Variants in KLHL32 observed in about 807,000 individuals in gnomAD.
The protein encoded by KLHL32 is kelch like family member 32, also known as kelch-like protein 32.
Under a neutral mutation model 64.8 loss-of-function variants are expected in KLHL32, and 35 were observed. The ratio of observed to expected loss-of-function variants is 0.54; its 90% CI spans 0.41 to 0.72. The LOEUF is 0.72. Ranked by LOEUF, KLHL32 falls within the 30% of genes least tolerant of loss-of-function variation. KLHL32 has a pLI of 0.00. For missense variants in KLHL32, 589 were observed against 768.5 expected, an observed-to-expected ratio of 0.77 and a Z score of 2.76; for synonymous variants, 259 against 281.0, an observed-to-expected ratio of 0.92 and a Z score of 0.78.
chr6:97,132,882 A>C (rs1032063706), intron 10 of KLHL32, 135 bp downstream of exon 10: 30 of 592,112 alleles, frequency 5.1e-5, no homozygotes, highest in Non-Finnish European at 7.9e-5. Flanking sequence ...CAACTAGTTC[A>C]GCCACTAAAC....
chr6:97,059,420 T>C (rs1262602942), intron 4 of KLHL32, among the ~76,000 whole-genome samples: 1 of 152,210 alleles, frequency 6.6e-6, no homozygotes, highest in East Asian at 1.9e-4. Flanking sequence ...CTCTGATTCA[T>C]AGAGAACTAC....
chr6:97,008,609 G>T (rs1324660848), intron 3 of KLHL32, among the ~76,000 whole-genome samples: 1 of 152,122 alleles, frequency 6.6e-6, no homozygotes, highest in Non-Finnish European at 1.5e-5. Context: ...GTAAGTGTTT[G>T]TGGAGGTCAT....
intron 4 of KLHL32, among the ~76,000 whole-genome samples, chr6:97,063,923 T>C (rs1453155209): frequency 6.6e-6 from 1 of 152,152 alleles, no homozygotes; most frequent in Non-Finnish European, 1.5e-5. Context: ...GATCAGCTGC[T>C]CAAGAGCTGG....
At chr6:96,982,227 A>C (rs12523684) in intron 3 of KLHL32, among the ~76,000 whole-genome samples, 1 of 151,818 alleles carries the variant, frequency 6.6e-6, no homozygotes, top group Non-Finnish European at 1.5e-5. Context: ...TATTAATCTG[A>C]GTGCTCCTGT....
chr6:97,128,577 T>A (rs1272256722), intron 8 of KLHL32, among the ~76,000 whole-genome samples: 1 of 152,244 alleles, frequency 6.6e-6, no homozygotes, highest in Non-Finnish European at 1.5e-5. Flanking sequence ...TCTCAATAAC[T>A]CTATCATTCA....
chr6:96,964,629 G>C (rs1048467468), intron 1 of KLHL32, among the ~76,000 whole-genome samples: 25 of 152,236 alleles, frequency 1.6e-4, no homozygotes, highest in Non-Finnish European at 3.1e-4. Flanking sequence ...GTCCAGCCTG[G>C]GCGACAGAGC....
intron 7 of KLHL32, among the ~76,000 whole-genome samples, chr6:97,122,449 CTAA>C (rs1195752771): frequency 6.6e-6 from 1 of 152,064 alleles, no homozygotes; most frequent in Non-Finnish European, 1.5e-5. Flanking sequence ...TATGGACAGT[CTAA>C]TGTCATATAA....
At chr6:96,961,705 G>A (rs12527425) in intron 1 of KLHL32, among the ~76,000 whole-genome samples, 9,406 of 152,168 alleles carry the variant, frequency 0.062, 395 homozygotes, top group Middle Eastern at 0.15. Flanking sequence ...TTGGTGAGTC[G>A]GAAAGGTGAG....
At chr6:96,951,494 G>A (rs894065177) in intron 1 of KLHL32, among the ~76,000 whole-genome samples, 9 of 152,144 alleles carry the variant, frequency 5.9e-5, no homozygotes, top group African/African-American at 1.2e-4. Context: ...TGGACAGTGC[G>A]CCACCCCACA....
At position 97,026,764 on chromosome 6, in the gene KLHL32, C is replaced by T. The variant is rs78094583; in HGVS notation, c.205-14728C>T. Among the ~76,000 whole-genome samples, 146 of 152,126 alleles carry T rather than the reference C, an allele frequency of 9.6e-4. 1 individual carries two copies. In the East Asian group the frequency reaches 0.022, roughly 23 times the overall value. ...AAATTGAGGGTTAAAATTTTAAGAG[C>T]GATCATTAGTTTACATTGAGTTTTA... On this transcript the variant is annotated intron_variant, in intron 3 of 10. Coordinates refer to ENST00000369261, the MANE Select transcript of KLHL32 (RefSeq NM_052904.4).
At chr6:97,037,879 A>G (rs1784530210) in intron 3 of KLHL32, among the ~76,000 whole-genome samples, 1 of 152,164 alleles carries the variant, frequency 6.6e-6, no homozygotes, top group African/African-American at 2.4e-5. Context: ...ACATTTACAG[A>G]CAACTCATCT....
At chr6:96,904,433 C>T in the KLHL32 span, among the ~76,000 whole-genome samples, 2 of 151,014 alleles carry the variant, frequency 1.3e-5, no homozygotes, top group African/African-American at 2.4e-5. Context: ...TTATGCATCT[C>T]GAAATAAACT....
intron 6 of KLHL32, among the ~76,000 whole-genome samples, chr6:97,091,698 C>A (rs1036692854): frequency 6.6e-6 from 1 of 152,170 alleles, no homozygotes; most frequent in Admixed American, 6.5e-5. Context: ...AACCAGTGAC[C>A]CTTCGCCTTT....
intron 4 of KLHL32, among the ~76,000 whole-genome samples, chr6:97,060,957 A>T (rs889902803): frequency 1.1e-4 from 16 of 152,122 alleles, no homozygotes; most frequent in South Asian, 2.1e-4. Context: ...TATTCATATG[A>T]CCTTGCCTGC....
intron 3 of KLHL32, among the ~76,000 whole-genome samples, chr6:96,981,511 C>T (rs1333182964): frequency 1.3e-5 from 2 of 151,982 alleles, no homozygotes; most frequent in African/African-American, 4.8e-5. Context: ...ACTCCTAGTT[C>T]CATTGATCTT....
At chr6:96,961,625 C>G (rs734667) in intron 1 of KLHL32, among the ~76,000 whole-genome samples, 31,498 of 137,000 alleles carry the variant, frequency 0.23, 3,616 homozygotes, top group Non-Finnish European at 0.3. Flanking sequence ...AGATCTACCT[C>G]TCTGAAAATA....
At position 97,048,508 on chromosome 6, in the gene KLHL32, AAAAT is replaced by A. The variant is rs1238877430; in HGVS notation, c.312+6910_312+6913del. Among the ~76,000 whole-genome samples the A allele has an allele frequency of 7.9e-5, 12 of 152,362 alleles. No individual in the cohort carries two copies. In the East Asian group the frequency reaches 2.3e-3, roughly 29 times the overall value. ...AAAACTATCATACTCTGTTAAGGGA[AAAAT>A]TACTTTAAAAATATTCATTCAGTCA... On this transcript the variant is annotated intron_variant, in intron 4 of 10. Transcript: ENST00000369261.
At chr6:96,930,317 A>C (rs935776646) in intron 1 of KLHL32, among the ~76,000 whole-genome samples, 1 of 152,182 alleles carries the variant, frequency 6.6e-6, no homozygotes, top group Non-Finnish European at 1.5e-5. Context: ...AGCATGGCAC[A>C]ACCAGAAGAA....
At chr6:96,971,625 G>A (rs564995088) in intron 2 of KLHL32, among the ~76,000 whole-genome samples, 119 of 152,048 alleles carry the variant, frequency 7.8e-4, no homozygotes, top group Non-Finnish European at 1.4e-3. Context: ...GGAGTCTGGG[G>A]CTTTCCATTG....
Sources: allele counts gnomAD v4.1 joint callset (sites outside exome capture counted in the v4.1 genomes callset), GRCh38; gene constraint gnomAD v4.1.1; transcripts MANE v1.5; gene names NCBI Gene and HGNC (gene_info 2026-07-23, HGNC 2026-07-21).